The following MCOLN1 variants were observed in gnomAD, a reference collection of about 807,000 sequenced individuals.
The protein encoded by MCOLN1 is mucolipin-1.
In MCOLN1, 50 loss-of-function variants were observed where a neutral mutation model predicts 70.3. The observed-to-expected ratio is 0.71, with a 90% confidence interval of 0.57 to 0.90. MCOLN1 has a LOEUF of 0.90. Ranked by LOEUF, MCOLN1 falls within the 40% of genes least tolerant of loss-of-function variation. The pLI is 0.00. For synonymous variants in MCOLN1, 366 were observed against 341.0 expected, an observed-to-expected ratio of 1.07 and a Z score of -0.81; for missense variants, 598 against 803.5, an observed-to-expected ratio of 0.74 and a Z score of 3.09.
chr19:7,523,509 A>G (rs2022524548), intron 1 of MCOLN1, among the ~76,000 whole-genome samples: 2 of 152,206 alleles, frequency 1.3e-5, no homozygotes, highest in Admixed American at 1.3e-4. Context: ...CTCATTGCAA[A>G]GGGAGGGGCC....
Position 7,528,340 on chromosome 19 carries a change from TG to T in MCOLN1, c.877+88del. ...CCCCAAGCCCCAGATCAGCGCTGCC[TG>T]GGGGCCGTGACCTCCCCAGGAATCC... On this transcript the variant is annotated intron_variant, in intron 7 of 13. Coordinates refer to ENST00000264079, the MANE Select transcript of MCOLN1 (RefSeq NM_020533.3). This position sits in a 1 kb window ranked among gnomAD's most constrained non-coding sequence, Gnocchi z 4.2. 2.2e-6 allele frequency: 3 copies of T among 1,358,634 alleles called. No homozygotes were observed. Among genetic ancestry groups the T allele is most frequent in the Non-Finnish European group, 3.1e-6 (3 of 957,506 alleles). 84.2% of individuals were successfully genotyped at this position (1,358,634 alleles called of 1,614,324 possible).
chr19:7,527,131 G>A lies in MCOLN1; in HGVS notation c.571+205G>A, dbSNP rs917706726. The A allele has an allele frequency of 4.5e-6, 3 of 664,450 alleles. No homozygotes were observed. In the African/African-American group the frequency reaches 5.3e-5, roughly 12 times the overall value. 41.2% of individuals were successfully genotyped at this position (664,450 alleles called of 1,614,324 possible). ...CTCTACGCACAAACAAATTAGCTGG[G>A]CGTGGTGGCGTGCCCCTGTGGTCCC... On this transcript the variant is annotated intron_variant, in intron 4 of 13. Coordinates refer to ENST00000264079, the MANE Select transcript of MCOLN1 (RefSeq NM_020533.3).
chr19:7,523,017 C>T (rs998131124), intron 1 of MCOLN1, among the ~76,000 whole-genome samples: 7 of 152,100 alleles, frequency 4.6e-5, no homozygotes, highest in African/African-American at 1.7e-4. Flanking sequence ...GGGATCGCGC[C>T]GGGCCGCCAG....
At position 7,525,365 on chromosome 19, in the gene MCOLN1, G is replaced by T. The variant is rs938864803; in HGVS notation, c.237+199G>T. ...AAAAATTAGCCGTGCGTGGTGGCGG[G>T]TGCCTGTAATCCCAGCTACTTGGCA... is the stretch of plus-strand genomic sequence containing the variant. On this transcript the variant is annotated intron_variant, in intron 2 of 13. Transcript: ENST00000264079. The surrounding 1 kb of genome is among the most constrained non-coding windows in gnomAD (Gnocchi z 4.2). The T allele has an allele frequency of 1.1e-5, 6 of 561,892 alleles. No homozygotes were observed. The highest frequency in any genetic ancestry group is 1.8e-5 in the South Asian group (1 of 54,542). The allele number at this position is 561,892 out of a possible 1,614,324, so 34.8% of individuals were successfully genotyped here. A position where few individuals can be genotyped will look rare whatever the true frequency, so the allele number is the denominator to read the frequency against.
intron 11 of MCOLN1, 146 bp downstream of exon 11, chr19:7,529,858 T>G: frequency 2.0e-6 from 2 of 1,014,582 alleles, no homozygotes; most frequent in Non-Finnish European, 3.1e-6. Context: ...CCCTGTGCCA[T>G]TATTGTTGTC....
rs2022606965 is a variant in MCOLN1 at position 7,528,586 on chromosome 19, C to T, written c.878-11C>T. 1 of 1,614,062 alleles carries T rather than the reference C, an allele frequency of 6.2e-7. No individual in the cohort carries two copies. The highest frequency in any genetic ancestry group is 2.2e-5 in the East Asian group (1 of 44,888). ...CCATCCTTGGCCCTACCCGCTCTGCCCTCCCCGCAGGAGACAACAGCTTCC... is the reference window on the plus strand; with the variant it reads ...CCATCCTTGGCCCTACCCGCTCTGCTCTCCCCGCAGGAGACAACAGCTTCC... On this transcript the variant is annotated splice_polypyrimidine_tract_variant and intron_variant, in intron 7 of 13. Coordinates refer to ENST00000264079, the MANE Select transcript of MCOLN1 (RefSeq NM_020533.3). This position sits in a 1 kb window ranked among gnomAD's most constrained non-coding sequence, Gnocchi z 4.2.
intron 12 of MCOLN1, among the ~76,000 whole-genome samples, chr19:7,532,314 G>A (rs1437179417): frequency 6.6e-6 from 1 of 152,162 alleles, no homozygotes; most frequent in Non-Finnish European, 1.5e-5. Context: ...AGGTTGCAGA[G>A]GGACCCCTGC....
intron 11 of MCOLN1, 86 bp downstream of exon 11, chr19:7,529,798 C>A: frequency 6.6e-7 from 1 of 1,524,394 alleles, no homozygotes; most frequent in Non-Finnish European, 9.1e-7. Flanking sequence ...TTGGTGACTG[C>A]TGGGAGTCTG....
Position 7,533,567 on chromosome 19 carries a change from C to T in MCOLN1, c.1620C>T (p.Tyr540=), listed in dbSNP as rs1326750283. The change falls in exon 13 of 14, where the codon TAC becomes TAT. Residue 540 remains tyrosine (Y), a synonymous_variant. Coordinates refer to ENST00000264079, the MANE Select transcript of MCOLN1 (RefSeq NM_020533.3). ...CAGAGGAGAGCGAGCTGCAGGCCTA[C>T]ATCGCACAGTGCCAGGACAGCCCCA... The part of the protein sequence containing the change: ...AGAEESELQA[Y]IAQCQDSPTS... 1 of 1,612,516 alleles carries T rather than the reference C, an allele frequency of 6.2e-7. No homozygotes were observed. The highest frequency in any genetic ancestry group is 1.1e-5 in the South Asian group (1 of 91,036).
At position 7,528,142 on chromosome 19, in the gene MCOLN1, CA is replaced by C; in HGVS notation, c.778-14del. 3 of 1,613,540 alleles carry C rather than the reference CA, an allele frequency of 1.9e-6. No individual in the cohort carries two copies. Among genetic ancestry groups the C allele is most frequent in the Non-Finnish European group, 2.5e-6 (3 of 1,179,512 alleles). On this transcript the variant is annotated splice_polypyrimidine_tract_variant and intron_variant, in intron 6 of 13. Transcript: ENST00000264079. The surrounding 1 kb of genome is among the most constrained non-coding windows in gnomAD (Gnocchi z 4.2). ...GGGCTGCCAAGGTTTACTCTGCCCC[CA>C]ACTGGCCCCCACAGATCACGTTTGA... is the stretch of plus-strand genomic sequence containing the variant.
At chr19:7,527,784 C>T in intron 5 of MCOLN1, 80 bp from the exon 6 acceptor site, 1 of 1,261,580 alleles carries the variant, frequency 7.9e-7, no homozygotes, top group Non-Finnish European at 1.2e-6. Context: ...GCAGAGTCAG[C>T]ACGTGGCAGG....
rs2022638713 is a variant in MCOLN1 at position 7,530,385 on chromosome 19, A to G, written c.1459A>G (p.Ser487Gly). The change falls in exon 12 of 14, where the codon AGC (serine) becomes GGC (glycine). Residue 487 changes from serine (S) to glycine (G), a missense_variant. Coordinates refer to ENST00000264079, the MANE Select transcript of MCOLN1 (RefSeq NM_020533.3). ...FAAMQAQQGR[S>G]SLVWLFSQLY... is the part of the protein sequence containing the mutation. ...CGCCATGCAGGCGCAGCAGGGCCGC[A>G]GCAGCCTGGTGTGGCTCTTCTCCCA... is the stretch of plus-strand genomic sequence containing the variant. The G allele has an allele frequency of 6.2e-7, 1 of 1,613,824 alleles. No individual in the cohort carries two copies. Among genetic ancestry groups the G allele is most frequent in the African/African-American group, 1.3e-5 (1 of 74,936 alleles).
chr19:7,526,717 G>A lies in MCOLN1; in HGVS notation c.406-44G>A. ...GGCAGGTGCAGGTGGGTGGGCTGCA[G>A]AGAGCGGGCCGGACTCACAGGCCCT... On this transcript the variant is annotated intron_variant, in intron 3 of 13. Coordinates refer to ENST00000264079, the MANE Select transcript of MCOLN1 (RefSeq NM_020533.3). This position sits in a 1 kb window ranked among gnomAD's most constrained non-coding sequence, Gnocchi z 4.6. The A allele has an allele frequency of 6.2e-7, 1 of 1,609,978 alleles. No individual in the cohort carries two copies. Among genetic ancestry groups the A allele is most frequent in the Non-Finnish European group, 8.5e-7 (1 of 1,179,682 alleles).
chr19:7,526,982 T>G lies in MCOLN1; in HGVS notation c.571+56T>G, dbSNP rs985106906. On this transcript the variant is annotated intron_variant, in intron 4 of 13. Coordinates refer to ENST00000264079, the MANE Select transcript of MCOLN1 (RefSeq NM_020533.3). The surrounding 1 kb of genome is among the most constrained non-coding windows in gnomAD (Gnocchi z 4.6). Reference sequence around the variant, plus strand: ...GGAGCCTGAGCTGCTGGGATTAAAATCAACAGCTGTGGCTGGGCACGGTGG... The same window carrying G: ...GGAGCCTGAGCTGCTGGGATTAAAAGCAACAGCTGTGGCTGGGCACGGTGG... 1 of 1,606,122 alleles carries G rather than the reference T, an allele frequency of 6.2e-7. No individual in the cohort carries two copies. The highest frequency in any genetic ancestry group is 1.3e-5 in the African/African-American group (1 of 74,728).
intron 12 of MCOLN1, among the ~76,000 whole-genome samples, chr19:7,531,841 T>C: frequency 6.6e-6 from 1 of 152,118 alleles, no homozygotes; most frequent in Non-Finnish European, 1.5e-5. Context: ...CTAATTTTTG[T>C]ATTTTTAGTA....
Position 7,527,640 on chromosome 19 carries a change from T to A in MCOLN1, c.680+12T>A. ...CTCAAATTCCACAAGTACTGCCTGCTCACTCGAGGGGGGCCCAGGGTGGGG... is the reference window on the plus strand; with the variant it reads ...CTCAAATTCCACAAGTACTGCCTGCACACTCGAGGGGGGCCCAGGGTGGGG... On this transcript the variant is annotated intron_variant, in intron 5 of 13. Transcript: ENST00000264079. 6.4e-7 allele frequency: 1 copy of A among 1,573,676 alleles called. No individual in the cohort carries two copies.
chr19:7,531,218 T>G (rs79780793), intron 12 of MCOLN1, among the ~76,000 whole-genome samples: 2 of 151,660 alleles, frequency 1.3e-5, no homozygotes, highest in East Asian at 1.9e-4. Flanking sequence ...ATTTTTTTTT[T>G]GAAATGGAAT....
In MCOLN1 at chr19:7,530,493, A is replaced by G. The variant is rs1361564284; in HGVS notation, c.1567A>G (p.Thr523Ala). The change falls in exon 12 of 14, where the codon ACC becomes GCC. Residue 523 changes from threonine to alanine, a missense_variant. Coordinates refer to ENST00000264079, the MANE Select transcript of MCOLN1 (RefSeq NM_020533.3). The part of the protein sequence containing the change: ...FIALITGAYD[T>A]IKHPGGAGAE... ...CGCGCTCATCACCGGCGCCTACGAC[A>G]CCATCAAGGTCAGCCGCATGCACCC... is the stretch of plus-strand genomic sequence containing the variant. 6.2e-7 allele frequency: 1 copy of G among 1,609,264 alleles called. No homozygotes were observed. Among genetic ancestry groups the G allele is most frequent in the Non-Finnish European group, 8.5e-7 (1 of 1,179,942 alleles).
chr19:7,523,117 G>A (rs1235578909), intron 1 of MCOLN1, among the ~76,000 whole-genome samples: 1 of 152,160 alleles, frequency 6.6e-6, no homozygotes, highest in African/African-American at 2.4e-5. Flanking sequence ...CAGACAGCGG[G>A]CACCAGCTTC....
Sources: gnomAD v4.1 joint callset for allele counts (sites outside exome capture counted in the v4.1 genomes callset) on GRCh38, gnomAD v4.1.1 for gene constraint, Gnocchi (gnomAD v3.1) non-coding constraint, MANE v1.5 for transcripts, NCBI Gene and HGNC (gene_info 2026-07-23, HGNC 2026-07-21) for gene names.